MAML2: variants seen among roughly 807,000 people sequenced by gnomAD.
MAML2 encodes the protein mastermind-like protein 2.
MAML2 carries 22 observed loss-of-function variants against 96.1 expected under a neutral mutation model. The ratio of observed to expected loss-of-function variants is 0.23; its 90% CI spans 0.16 to 0.33. The LOEUF is 0.33. Among genes scored for constraint, MAML2 ranks in the 10% least tolerant of loss-of-function variants. The pLI is 1.00. For missense variants in MAML2, 1,367 were observed against 1,392.4 expected (o/e 0.98, Z 0.29); for synonymous variants, 561 against 521.3 (o/e 1.08, Z -1.04).
chr11:96,170,709 G>T (rs1468547310), intron 1 of MAML2, among the ~76,000 whole-genome samples: 1 of 152,126 alleles, frequency 6.6e-6, no homozygotes, highest in Non-Finnish European at 1.5e-5. Context: ...TGGCTTCTGT[G>T]TGTAGATTCT....
At position 95,976,631 on chromosome 11, in the gene MAML2, C is replaced by A. The variant is rs1328004430; in HGVS notation, c.*2317G>T. On this transcript the variant is annotated 3_prime_UTR_variant, in exon 5 of 5. Coordinates refer to ENST00000524717, the MANE Select transcript of MAML2 (RefSeq NM_032427.4). ...AAGAATCCTGTATTTTAATGAATAG[C>A]TGAATAAATAGACATTAATTATGAA... 1.7e-5 allele frequency: 3 copies of A among 173,932 alleles called. No homozygotes were observed. The East Asian group carries it at 3.0e-4, about 18-fold the overall frequency. The allele number at this position is 173,932 out of a possible 1,614,324, so 10.8% of individuals were successfully genotyped here.
intron 1 of MAML2, among the ~76,000 whole-genome samples, chr11:96,224,237 T>A (rs898712156): frequency 5.3e-5 from 8 of 152,226 alleles, no homozygotes; most frequent in African/African-American, 1.9e-4. Context: ...AGTAGTACAA[T>A]GATCCACATT....
chr11:96,105,249 G>A lies in MAML2; in HGVS notation c.514-11732C>T, dbSNP rs929827977. Among the ~76,000 whole-genome samples, 7 of 152,304 alleles carry A rather than the reference G, an allele frequency of 4.6e-5. No individual in the cohort carries two copies. In the South Asian group the frequency reaches 1.0e-3, roughly 23 times the overall value. On this transcript the variant is annotated intron_variant, in intron 1 of 4. Coordinates refer to ENST00000524717, the MANE Select transcript of MAML2 (RefSeq NM_032427.4). ...TTATGAATGAAGACTGAGAGGTGCC[G>A]TTCCATGACAGCAGAATTCCAACAG...
At chr11:96,045,783 G>A (rs761992821) in intron 2 of MAML2, among the ~76,000 whole-genome samples, 13 of 152,100 alleles carry the variant, frequency 8.5e-5, no homozygotes, top group Admixed American at 8.5e-4. Flanking sequence ...AAGATAAATC[G>A]AGACAAACTG....
chr11:96,209,663 T>C (rs1330094898), intron 1 of MAML2, among the ~76,000 whole-genome samples: 1 of 152,152 alleles, frequency 6.6e-6, no homozygotes, highest in African/African-American at 2.4e-5. Flanking sequence ...TCCTGTAACA[T>C]ACTGTATTGG....
intron 2 of MAML2, among the ~76,000 whole-genome samples, chr11:96,052,597 G>A (rs1859004847): frequency 6.6e-6 from 1 of 152,184 alleles, no homozygotes; most frequent in South Asian, 2.1e-4. Flanking sequence ...ATGATAGGCT[G>A]TGGTTCCTTT....
In MAML2 at chr11:95,978,762, G is replaced by C. The variant is rs889428058; in HGVS notation, c.*186C>G. On this transcript the variant is annotated 3_prime_UTR_variant, in exon 5 of 5. Coordinates refer to ENST00000524717, the MANE Select transcript of MAML2 (RefSeq NM_032427.4). ...AAGTGATCCCAATATTTTACTTTCA[G>C]GTGTAAGATTTAAAACAAGAATTTG... 3.4e-6 allele frequency: 2 copies of C among 587,746 alleles called. No individual in the cohort carries two copies. Among genetic ancestry groups the C allele is most frequent in the Non-Finnish European group, 5.8e-6 (2 of 341,944 alleles). The allele number at this position is 587,746 out of a possible 1,614,324, so 36.4% of individuals were successfully genotyped here. A position where few individuals can be genotyped will look rare whatever the true frequency, so the allele number is the denominator to read the frequency against.
chr11:96,161,847 G>A (rs1205950518), intron 1 of MAML2, among the ~76,000 whole-genome samples: 1 of 152,138 alleles, frequency 6.6e-6, no homozygotes, highest in Non-Finnish European at 1.5e-5. Flanking sequence ...ATGAGTTTTG[G>A]TTTAGGAAAT....
At chr11:96,203,996 G>T (rs1052837739) in intron 1 of MAML2, among the ~76,000 whole-genome samples, 3 of 152,262 alleles carry the variant, frequency 2.0e-5, no homozygotes, top group South Asian at 2.1e-4. Flanking sequence ...TGTAAATAGG[G>T]TGTGGGGGAA....
intron 2 of MAML2, among the ~76,000 whole-genome samples, chr11:96,007,862 T>G (rs1318981206): frequency 8.9e-6 from 1 of 112,680 alleles, no homozygotes; most frequent in East Asian, 2.8e-4. Context: ...AATATCACAC[T>G]CTGGGGACTG....
intron 1 of MAML2, among the ~76,000 whole-genome samples, chr11:96,154,482 A>G (rs1436506446): frequency 1.3e-5 from 2 of 152,212 alleles, no homozygotes; most frequent in African/African-American, 4.8e-5. Flanking sequence ...TCTGCATATC[A>G]TAGTCTTCCC....
At chr11:96,339,407 G>T (rs112751690) in intron 1 of MAML2, among the ~76,000 whole-genome samples, 5,204 of 152,256 alleles carry the variant, frequency 0.034, 314 homozygotes, top group African/African-American at 0.12. Flanking sequence ...GAAAAAAAAG[G>T]CTGTCTCAGC....
chr11:96,302,731 T>TC (rs1165160114), intron 1 of MAML2, among the ~76,000 whole-genome samples: 34 of 152,314 alleles, frequency 2.2e-4, no homozygotes, highest in African/African-American at 7.9e-4. Flanking sequence ...CGAATTACTC[T>TC]CTTGATTAAA....
At chr11:96,266,101 G>A (rs1862821573) in intron 1 of MAML2, among the ~76,000 whole-genome samples, 1 of 152,136 alleles carries the variant, frequency 6.6e-6, no homozygotes. Context: ...CTGCCCTGGT[G>A]TTGGAGCCCC....
Position 96,126,908 on chromosome 11 carries a change from G to C in MAML2, c.514-33391C>G, listed in dbSNP as rs34574321. Among the ~76,000 whole-genome samples the C allele has an allele frequency of 9.2e-4, 126 of 136,842 alleles. 1 individual carries two copies. The highest frequency in any genetic ancestry group is 1.5e-3 in the Non-Finnish European group (93 of 62,736). The allele number at this position is 136,842 out of a possible 152,430, so 89.8% of individuals were successfully genotyped here. On this transcript the variant is annotated intron_variant, in intron 1 of 4. Transcript: ENST00000524717. The stretch of plus-strand genomic sequence containing the variant: ...GACAGTGCATGTGGTATGGACATGG[G>C]GGGGGTCAAATGGTAGGTATGAGAA...
At chr11:96,167,995 G>C (rs567623214) in intron 1 of MAML2, among the ~76,000 whole-genome samples, 2 of 152,132 alleles carry the variant, frequency 1.3e-5, no homozygotes, top group Non-Finnish European at 2.9e-5. Context: ...CTGCGGTTGG[G>C]GCTGGGAGGG....
At chr11:96,120,364 C>T (rs1485370417) in intron 1 of MAML2, among the ~76,000 whole-genome samples, 2 of 152,160 alleles carry the variant, frequency 1.3e-5, no homozygotes. Flanking sequence ...CAGGAGTAAT[C>T]TATATGCACT....
chr11:96,126,910 G>A (rs1004471656), intron 1 of MAML2, among the ~76,000 whole-genome samples: 29 of 152,124 alleles, frequency 1.9e-4, no homozygotes, highest in Non-Finnish European at 3.5e-4. Context: ...GGACATGGGG[G>A]GGGTCAAATG....
intron 1 of MAML2, among the ~76,000 whole-genome samples, chr11:96,266,804 TC>T (rs1168793092): frequency 6.6e-6 from 1 of 152,234 alleles, no homozygotes; most frequent in African/African-American, 2.4e-5. Context: ...TAGGTATGTT[TC>T]CAGGGACATG....
Sources: gnomAD v4.1 joint callset for allele counts (sites outside exome capture counted in the v4.1 genomes callset) on GRCh38, gnomAD v4.1.1 for gene constraint, MANE v1.5 for transcripts, NCBI Gene and HGNC (gene_info 2026-07-23, HGNC 2026-07-21) for gene names.